FAM81A: variants seen among roughly 807,000 people sequenced by gnomAD.
FAM81A encodes protein FAM81A.
FAM81A carries 19 observed loss-of-function variants against 46.7 expected under a neutral mutation model. The ratio of observed to expected loss-of-function variants is 0.41; its 90% CI spans 0.28 to 0.60. FAM81A has a LOEUF of 0.60. Among genes scored for constraint, FAM81A ranks in the 20% least tolerant of loss-of-function variants. FAM81A has a pLI of 0.34. For synonymous variants in FAM81A, 183 were observed against 152.9 expected (o/e 1.20, Z -1.45); for missense variants, 377 against 453.5 (o/e 0.83, Z 1.53).
intron 8 of FAM81A, among the ~76,000 whole-genome samples, chr15:59,518,139 ATTTTTTT>A (rs576524944): frequency 7.4e-6 from 1 of 134,782 alleles, no homozygotes; most frequent in Admixed American, 7.5e-5. Flanking sequence ...CGGCCGGCTA[ATTTTTTT>A]TTTTTTTTTT....
At chr15:59,494,564 C>T (rs2082014766) in intron 4 of FAM81A, among the ~76,000 whole-genome samples, 1 of 152,162 alleles carries the variant, frequency 6.6e-6, no homozygotes, top group Non-Finnish European at 1.5e-5. Flanking sequence ...TGTTGCTTCC[C>T]TGTAACAAAA....
At chr15:59,424,898 C>T (rs1197645232) in intron 2 of FAM81A, among the ~76,000 whole-genome samples, 7 of 152,166 alleles carry the variant, frequency 4.6e-5, no homozygotes, top group Non-Finnish European at 8.8e-5. Context: ...GTTCTCAAAA[C>T]AGCCACCAGA....
At chr15:59,455,224 ATTCTT>A (rs1245297625) in intron 1 of FAM81A, among the ~76,000 whole-genome samples, 1 of 151,838 alleles carries the variant, frequency 6.6e-6, no homozygotes, top group Non-Finnish European at 1.5e-5. Flanking sequence ...ACTTCTTTCC[ATTCTT>A]TTCTTCTTGC....
chr15:59,431,476 G>T (rs917806990), intron 2 of FAM81A, among the ~76,000 whole-genome samples: 3 of 150,906 alleles, frequency 2.0e-5, no homozygotes, highest in Non-Finnish European at 2.9e-5. Flanking sequence ...CTCATGATCC[G>T]CCTGCCTTGG....
Position 59,444,736 on chromosome 15 carries a change from C to T in FAM81A, c.-78+6454C>T, listed in dbSNP as rs1475755456. ...TCTCTCTTAGTAACTCTTCTACTGT[C>T]CTCCCTCTCCCTATTGACTGTTTTA... On this transcript the variant is annotated intron_variant, in intron 1 of 8. Transcript: ENST00000288228. 2.6e-5 allele frequency among the ~76,000 whole-genome samples: 4 copies of T among 152,166 alleles called. No homozygotes were observed. The East Asian group carries it at 7.7e-4, about 29-fold the overall frequency.
At chr15:59,510,211 C>G (rs1450022981) in intron 6 of FAM81A, among the ~76,000 whole-genome samples, 3 of 151,772 alleles carry the variant, frequency 2.0e-5, no homozygotes. Context: ...ACTAAAAATA[C>G]AAAAATTAGC....
intron 2 of FAM81A, among the ~76,000 whole-genome samples, chr15:59,412,627 T>G (rs532721155): frequency 3.6e-4 from 54 of 151,758 alleles, no homozygotes; most frequent in Non-Finnish European, 6.9e-4. Flanking sequence ...TTCTGGAGGT[T>G]GAGGTGGGAG....
chr15:59,423,150 T>G (rs2081181435), intron 2 of FAM81A, among the ~76,000 whole-genome samples: 1 of 152,150 alleles, frequency 6.6e-6, no homozygotes. Context: ...CAGGCTGGAG[T>G]GCAGTGGCGC....
At chr15:59,437,747 A>G (rs1005613004), upstream of FAM81A, among the ~76,000 whole-genome samples, 2 of 152,148 alleles carry the variant, frequency 1.3e-5, no homozygotes, top group Non-Finnish European at 2.9e-5. Context: ...GGTTTAGTAA[A>G]TAAGGTATAT....
chr15:59,432,512 C>T (rs576433174), intron 2 of FAM81A, among the ~76,000 whole-genome samples: 91 of 152,300 alleles, frequency 6.0e-4, no homozygotes, highest in African/African-American at 2.1e-3. Flanking sequence ...TCCTCAGTCT[C>T]ATTTGGTTTT....
chr15:59,488,971 A>G (rs2081951260), intron 3 of FAM81A, among the ~76,000 whole-genome samples: 1 of 152,046 alleles, frequency 6.6e-6, no homozygotes, highest in South Asian at 2.1e-4. Flanking sequence ...CAATAATTAA[A>G]TAAATAAATA....
chr15:59,438,362 C>G (rs1237099578), intron 1 of FAM81A, 80 bp downstream of exon 1: 7 of 152,184 alleles, frequency 4.6e-5, no homozygotes, highest in African/African-American at 1.7e-4. Context: ...GGCCGGTGAC[C>G]TTGGGGCAGC....
intron 2 of FAM81A, among the ~76,000 whole-genome samples, chr15:59,432,871 C>T (rs1278508580): frequency 5.9e-5 from 9 of 151,974 alleles, no homozygotes; most frequent in African/African-American, 1.9e-4. Flanking sequence ...CATGGTGGCT[C>T]ACGCCTGTAA....
At position 59,521,537 on chromosome 15, in the gene FAM81A, T is replaced by G; in HGVS notation, c.*159T>G. Reference sequence around the variant, plus strand: ...TGGGTCTAAATGTTTACCTTGAGTCTTGAAAATACTCTTTTGTTAAAAGTA... The same window carrying G: ...TGGGTCTAAATGTTTACCTTGAGTCGTGAAAATACTCTTTTGTTAAAAGTA... On this transcript the variant is annotated 3_prime_UTR_variant, in exon 9 of 9. Transcript: ENST00000288228. 2 of 678,904 alleles carry G rather than the reference T, an allele frequency of 2.9e-6. No homozygotes were observed. The highest frequency in any genetic ancestry group is 4.3e-6 in the Non-Finnish European group (2 of 465,004). The allele number at this position is 678,904 out of a possible 1,614,324, so 42.1% of individuals were successfully genotyped here.
chr15:59,505,741 C>G (rs2082142574), intron 4 of FAM81A, among the ~76,000 whole-genome samples: 1 of 152,178 alleles, frequency 6.6e-6, no homozygotes, highest in Admixed American at 6.5e-5. Flanking sequence ...ACTCCGAACC[C>G]TTCTGGCAAT....
chr15:59,451,226 G>C (rs1310926029), intron 1 of FAM81A, among the ~76,000 whole-genome samples: 1 of 152,118 alleles, frequency 6.6e-6, no homozygotes, highest in Non-Finnish European at 1.5e-5. Context: ...AAAAGTAGCT[G>C]GCAGATAGAC....
chr15:59,483,915 C>T lies in FAM81A; in HGVS notation c.295-8356C>T, dbSNP rs760989759. Among the ~76,000 whole-genome samples, 92 of 152,254 alleles carry T rather than the reference C, an allele frequency of 6.0e-4. 1 individual carries two copies. The highest frequency in any genetic ancestry group is 6.8e-3 in the Middle Eastern group (2 of 294). ...TGGAGGGGTGGACAGGTTGTAGGGG[C>T]GGGCTCGTTCCCCACTGCCTCTCAG... On this transcript the variant is annotated intron_variant, in intron 3 of 8. Transcript: ENST00000288228.
At chr15:59,516,911 C>G (rs1277756334) in intron 8 of FAM81A, 71 bp downstream of exon 8, 1 of 1,352,028 alleles carries the variant, frequency 7.4e-7, no homozygotes, top group Non-Finnish European at 9.9e-7. Flanking sequence ...TTAGTATCCC[C>G]TGCAACTACC....
chr15:59,456,787 C>T (rs1191254878), intron 1 of FAM81A, among the ~76,000 whole-genome samples: 1 of 152,112 alleles, frequency 6.6e-6, no homozygotes, highest in Non-Finnish European at 1.5e-5. Flanking sequence ...TGTTGCCCAG[C>T]TGGCCTCGAA....
Sources: gnomAD v4.1 joint callset for allele counts (sites outside exome capture counted in the v4.1 genomes callset) on GRCh38, gnomAD v4.1.1 for gene constraint, MANE v1.5 for transcripts, NCBI Gene and HGNC (gene_info 2026-07-23, HGNC 2026-07-21) for gene names.